The following TECPR2 variants were observed in gnomAD, a reference collection of about 807,000 sequenced individuals.
The protein encoded by TECPR2 is tectonin beta-propeller repeat containing 2.
In TECPR2, 65 loss-of-function variants were observed where a neutral mutation model predicts 138.1. That is an observed-to-expected ratio of 0.47 (90% confidence interval 0.39 to 0.58). The LOEUF is 0.58. Among genes scored for constraint, TECPR2 ranks in the 20% least tolerant of loss-of-function variants. TECPR2 has a pLI of 0.00. For missense variants in TECPR2, 1,553 were observed against 1,824.5 expected, an observed-to-expected ratio of 0.85 and a Z score of 2.71; for synonymous variants, 746 against 749.8, an observed-to-expected ratio of 0.99 and a Z score of 0.08.
intron 8 of TECPR2, among the ~76,000 whole-genome samples, chr14:102,432,497 C>A (rs1400901767): frequency 6.6e-6 from 1 of 152,070 alleles, no homozygotes; most frequent in African/African-American, 2.4e-5. Flanking sequence ...CGGCTCACTG[C>A]AACCTCACCT....
Position 102,498,870 on chromosome 14 carries a change from C to T in TECPR2, c.*613C>T, listed in dbSNP as rs2139805266. The T allele has an allele frequency of 3.0e-6, 2 of 663,180 alleles. No homozygotes were observed. The highest frequency in any genetic ancestry group is 1.5e-5 in the South Asian group (1 of 66,282). The allele number at this position is 663,180 out of a possible 1,614,324, so 41.1% of individuals were successfully genotyped here. On this transcript the variant is annotated 3_prime_UTR_variant, in exon 20 of 20. Transcript: ENST00000359520. ...CCACGCACATGCACACCACAACACA[C>T]AACACACCTCACCTCACACCACAGC... is the stretch of plus-strand genomic sequence containing the variant.
Position 102,449,733 on chromosome 14 carries a change from G to A in TECPR2, c.3180G>A (p.Lys1060=). ...VATAAQAPVE[K]VADKLRMAFW... ...CAGCAGCCCAAGCCCCCGTAGAAAA[G>A]GTGGCAGATAAGCTGCGCATGGCGT... Residue 1060 remains lysine, a synonymous_variant, in exon 14 of 20, where the codon AAG becomes AAA. Coordinates refer to ENST00000359520, the MANE Select transcript of TECPR2 (RefSeq NM_014844.5). 6.2e-7 allele frequency: 1 copy of A among 1,614,174 alleles called. No individual in the cohort carries two copies. The highest frequency in any genetic ancestry group is 8.5e-7 in the Non-Finnish European group (1 of 1,180,034).
intron 2 of TECPR2, among the ~76,000 whole-genome samples, chr14:102,403,368 A>G (rs1888549359): frequency 1.3e-5 from 2 of 152,236 alleles, no homozygotes; most frequent in Non-Finnish European, 2.9e-5. Context: ...AACTGGGAAT[A>G]GAAACTACCC....
intron 12 of TECPR2, 34 bp from the exon 13 acceptor site, chr14:102,445,772 G>C: frequency 6.2e-7 from 1 of 1,607,678 alleles, no homozygotes; most frequent in Non-Finnish European, 8.5e-7. Flanking sequence ...CTGCCTATGG[G>C]TGCTGACCCC....
Position 102,415,610 on chromosome 14 carries a change from A to G in TECPR2, c.638+817A>G, listed in dbSNP as rs965464724. 6.6e-5 allele frequency among the ~76,000 whole-genome samples: 10 copies of G among 152,090 alleles called. No homozygotes were observed. In the East Asian group the frequency reaches 1.9e-3, roughly 29 times the overall value. On this transcript the variant is annotated intron_variant, in intron 5 of 19. Coordinates refer to ENST00000359520, the MANE Select transcript of TECPR2 (RefSeq NM_014844.5). The surrounding 1 kb of genome is among the most constrained non-coding windows in gnomAD (Gnocchi z 4.3). ...TAGAGCAGTGGAGCTGACCCCTCCT[A>G]TGCCAAGGAGGAGGTAGACTGGGGC...
intron 9 of TECPR2, among the ~76,000 whole-genome samples, chr14:102,437,684 T>G (rs1889704700): frequency 6.6e-6 from 1 of 152,172 alleles, no homozygotes; most frequent in South Asian, 2.1e-4. Flanking sequence ...CCTGGCTCTT[T>G]GTGTAAGGTG....
intron 5 of TECPR2, among the ~76,000 whole-genome samples, chr14:102,421,495 C>T (rs775333936): frequency 6.6e-6 from 1 of 152,170 alleles, no homozygotes; most frequent in Non-Finnish European, 1.5e-5. Context: ...TGCGAAGAAA[C>T]CCCGCAAATA....
chr14:102,440,611 T>A lies in TECPR2; in HGVS notation c.2752+2T>A, dbSNP rs1296580333. The A allele has an allele frequency of 6.2e-7, 1 of 1,612,576 alleles. No homozygotes were observed. Reference sequence around the variant, plus strand: ...GTGGGGACCTATACTTGCAGACAGGTAACCGCGGGCCACGCTTAGAGGCCT... The same window carrying A: ...GTGGGGACCTATACTTGCAGACAGGAAACCGCGGGCCACGCTTAGAGGCCT... On this transcript the variant is annotated splice_donor_variant, in intron 11 of 19. Transcript: ENST00000359520. LOFTEE classifies it high-confidence loss of function.
rs1301181314 is a variant in TECPR2, at chr14:102,500,348, A to G, written c.*2091A>G. 6.6e-6 allele frequency: 1 copy of G among 152,310 alleles called. No homozygotes were observed. The highest frequency in any genetic ancestry group is 1.5e-5 in the Non-Finnish European group (1 of 68,122). The allele number at this position is 152,310 out of a possible 1,614,324, so 9.4% of individuals were successfully genotyped here. On this transcript the variant is annotated 3_prime_UTR_variant, in exon 20 of 20. Transcript: ENST00000359520. ...ACACCGGTTTGCCCAAGTGGCTGTTATGGGGGAATGGCCGCTCCAGAGCTG... is the reference window on the plus strand; with the variant it reads ...ACACCGGTTTGCCCAAGTGGCTGTTGTGGGGGAATGGCCGCTCCAGAGCTG...
intron 5 of TECPR2, among the ~76,000 whole-genome samples, chr14:102,421,910 T>A (rs1016342205): frequency 7.9e-5 from 12 of 152,188 alleles, no homozygotes; most frequent in Admixed American, 7.9e-4. Context: ...TTTCTGCTTT[T>A]CACAATCTGA....
chr14:102,460,726 G>A (rs1229871159), intron 16 of TECPR2, among the ~76,000 whole-genome samples: 5 of 139,472 alleles, frequency 3.6e-5, no homozygotes, highest in African/African-American at 5.5e-5. Flanking sequence ...ACGGAGTCTC[G>A]CTCTGTCGCC....
At position 102,497,060 on chromosome 14, in the gene TECPR2, C is replaced by T. The variant is rs1476272327; in HGVS notation, c.3871C>T (p.His1291Tyr). Reference sequence around the variant, plus strand: ...GGTGCTTGACAGCAGGTGGAACGTGCACGTGCGGACCGGGATCACCGAGGA... The same window carrying T: ...GGTGCTTGACAGCAGGTGGAACGTGTACGTGCGGACCGGGATCACCGAGGA... ...LWVLDSRWNV[H>Y]VRTGITEEMP... The change falls in exon 18 of 20, where the codon CAC (histidine) becomes TAC (tyrosine). Residue 1291 changes from histidine to tyrosine, a missense_variant. Physicochemically the swap from His to Tyr is moderately conservative, Grantham distance 83. Coordinates refer to ENST00000359520, the MANE Select transcript of TECPR2 (RefSeq NM_014844.5). 1 of 1,613,762 alleles carries T rather than the reference C, an allele frequency of 6.2e-7. No homozygotes were observed. Among genetic ancestry groups the T allele is most frequent in the Admixed American group, 1.7e-5 (1 of 60,032 alleles).
At chr14:102,472,687 C>T (rs189840965) in intron 17 of TECPR2, among the ~76,000 whole-genome samples, 25 of 152,326 alleles carry the variant, frequency 1.6e-4, no homozygotes, top group Non-Finnish European at 3.5e-4. Flanking sequence ...CTTTGCCAAG[C>T]ACTGCCTTAT....
chr14:102,406,127 A>G (rs939172156), intron 2 of TECPR2, among the ~76,000 whole-genome samples: 6 of 152,236 alleles, frequency 3.9e-5, no homozygotes, highest in African/African-American at 1.4e-4. Context: ...TTACAAGATT[A>G]AATATTCGTG....
rs149657602 is a variant in TECPR2 at position 102,443,723 on chromosome 14, G to A, written c.2829G>A (p.Arg943=). The A allele has an allele frequency of 4.9e-5, 79 of 1,613,158 alleles. No homozygotes were observed. Among genetic ancestry groups the A allele is most frequent in the Non-Finnish European group, 6.3e-5 (74 of 1,179,374 alleles). ...ACCCGCTGTCCCAGATCACAGCCCG[G>A]AACAATGTGGTGTGGGCGCTGACAG... ...CPYPLSQITA[R]NNVVWALTEQ... The change falls in exon 12 of 20, where the codon CGG becomes CGA. Residue 943 remains arginine, a synonymous_variant. Coordinates refer to ENST00000359520, the MANE Select transcript of TECPR2 (RefSeq NM_014844.5). This position sits in a 1 kb window ranked among gnomAD's most constrained non-coding sequence, Gnocchi z 4.9.
intron 12 of TECPR2, among the ~76,000 whole-genome samples, chr14:102,444,513 G>A (rs1210556962): frequency 4.0e-5 from 6 of 151,830 alleles, no homozygotes; most frequent in African/African-American, 1.5e-4. Context: ...TCTCTGAACT[G>A]TAATTTATTA....
At chr14:102,394,475 A>G (rs1485545639) in intron 2 of TECPR2, among the ~76,000 whole-genome samples, 2 of 152,130 alleles carry the variant, frequency 1.3e-5, no homozygotes, top group African/African-American at 2.4e-5. Flanking sequence ...GGTGGCACAC[A>G]CTTGTATTCC....
chr14:102,425,587 T>C (rs1224580357), intron 6 of TECPR2, among the ~76,000 whole-genome samples: 4 of 151,126 alleles, frequency 2.6e-5, no homozygotes, highest in African/African-American at 7.3e-5. Context: ...TTGTTGTTGT[T>C]GTTGTTGAGA....
chr14:102,410,931 ACT>A (rs1490523492), intron 4 of TECPR2, among the ~76,000 whole-genome samples: 3 of 152,406 alleles, frequency 2.0e-5, no homozygotes, highest in African/African-American at 4.8e-5. Flanking sequence ...CTCCTTAGGC[ACT>A]CTCTAATCAG....
Sources: allele counts gnomAD v4.1 joint callset (sites outside exome capture counted in the v4.1 genomes callset), GRCh38; gene constraint gnomAD v4.1.1; non-coding constraint Gnocchi (gnomAD v3.1); transcripts MANE v1.5; gene names NCBI Gene and HGNC (gene_info 2026-07-23, HGNC 2026-07-21).